Variants in GNG7 observed in about 807,000 individuals in gnomAD.
GNG7 encodes G protein subunit gamma 7.
GNG7 carries 1 observed loss-of-function variant against 4.0 expected under a neutral mutation model. That is an observed-to-expected ratio of 0.25 (90% CI 0.09 to 1.18). The LOEUF (loss-of-function observed/expected upper bound fraction) is 1.18, where lower values mean the gene tolerates loss of function less well. GNG7 is among the 50% of genes most tolerant of loss of function. GNG7 has a pLI of 0.50. For missense variants in GNG7, 86 were observed against 91.9 expected (o/e 0.94, Z 0.26); for synonymous variants, 34 against 36.9 (o/e 0.92, Z 0.29).
Position 2,596,651 on chromosome 19 carries a change from A to C in GNG7, c.-77-41463T>G, listed in dbSNP as rs776918531. Among the ~76,000 whole-genome samples, 20 of 147,318 alleles carry C rather than the reference A, an allele frequency of 1.4e-4. 1 individual carries two copies. The highest frequency in any genetic ancestry group is 2.2e-4 in the Non-Finnish European group (15 of 66,828). On this transcript the variant is annotated intron_variant, in intron 2 of 4. Transcript: ENST00000382159. Reference sequence around the variant, plus strand: ...GCCACTGCACTCCAGCCTGGGTGACAAAGTGAGACCCTGTCCCCCCCCCAA... The same window carrying C: ...GCCACTGCACTCCAGCCTGGGTGACCAAGTGAGACCCTGTCCCCCCCCCAA...
rs1981668049 is a variant in GNG7 at position 2,614,584 on chromosome 19, T to A, written c.-78+31640A>T. Among the ~76,000 whole-genome samples the A allele has an allele frequency of 6.6e-6, 1 of 152,128 alleles. No homozygotes were observed. Among genetic ancestry groups the A allele is most frequent in the South Asian group, 2.1e-4 (1 of 4,832 alleles). ...CTGGCATCTCTCACTGAGTGTGACA[T>A]CCTCAAGGGGCATCCAGGCTGCACG... is the stretch of plus-strand genomic sequence containing the variant. On this transcript the variant is annotated intron_variant, in intron 2 of 4. Transcript: ENST00000382159. The surrounding 1 kb of genome is among the most constrained non-coding windows in gnomAD (Gnocchi z 6.0).
At chr19:2,573,895 A>G (rs1980227514) in intron 2 of GNG7, among the ~76,000 whole-genome samples, 1 of 152,192 alleles carries the variant, frequency 6.6e-6, no homozygotes, top group Non-Finnish European at 1.5e-5. Context: ...CCGTGGTCAT[A>G]TGCGAACGGG....
intron 3 of GNG7, among the ~76,000 whole-genome samples, chr19:2,539,308 CT>C (rs869058899): frequency 1.7e-3 from 206 of 117,914 alleles, no homozygotes; most frequent in Middle Eastern, 4.1e-3. Flanking sequence ...TATATACCAA[CT>C]TTTTTTTTTT....
At chr19:2,592,341 A>G (rs1381681750) in intron 2 of GNG7, among the ~76,000 whole-genome samples, 2 of 152,044 alleles carry the variant, frequency 1.3e-5, no homozygotes, top group African/African-American at 2.4e-5. Context: ...ATTAAAAAAA[A>G]ATTGCTCCTT....
At chr19:2,586,073 C>A (rs560658508) in intron 2 of GNG7, among the ~76,000 whole-genome samples, 6 of 152,296 alleles carry the variant, frequency 3.9e-5, no homozygotes, top group Non-Finnish European at 8.8e-5. Context: ...TTTTCAGCAA[C>A]AAGCCAGTGT....
chr19:2,605,017 T>C (rs1981335021), intron 2 of GNG7, among the ~76,000 whole-genome samples: 1 of 152,180 alleles, frequency 6.6e-6, no homozygotes, highest in South Asian at 2.1e-4. Context: ...TCTATGGCTC[T>C]GGAGGTCAGA....
rs1473299936 is a variant in GNG7, at chr19:2,611,007, G to A, written c.-78+35217C>T. On this transcript the variant is annotated intron_variant, in intron 2 of 4. Coordinates refer to ENST00000382159, the MANE Select transcript of GNG7 (RefSeq NM_052847.3). This position sits in a 1 kb window ranked among gnomAD's most constrained non-coding sequence, Gnocchi z 6.0. ...GAACGGGCTCACGTGCCAGGCTCGG[G>A]GGGGGGGAAGCGTCCTCAACATTCT... The A allele has an allele frequency of 3.3e-4, 35 of 106,294 alleles. No individual in the cohort carries two copies. Among genetic ancestry groups the A allele is most frequent in the Admixed American group, 8.6e-5 (1 of 11,586 alleles). 6.6% of individuals were successfully genotyped at this position (106,294 alleles called of 1,614,324 possible).
intron 3 of GNG7, among the ~76,000 whole-genome samples, chr19:2,549,596 G>A (rs1240366978): frequency 6.6e-6 from 1 of 152,070 alleles, no homozygotes; most frequent in Non-Finnish European, 1.5e-5. Flanking sequence ...CCGGGGCTGT[G>A]TTTTCATCTG....
chr19:2,660,402 G>A (rs948889098), intron 1 of GNG7, among the ~76,000 whole-genome samples: 1 of 152,156 alleles, frequency 6.6e-6, no homozygotes, highest in African/African-American at 2.4e-5. Flanking sequence ...AAACCACAGG[G>A]AAGGGAGAAA....
At chr19:2,675,528 C>A (rs1983572216) in intron 1 of GNG7, among the ~76,000 whole-genome samples, 1 of 152,156 alleles carries the variant, frequency 6.6e-6, no homozygotes, top group South Asian at 2.1e-4. Context: ...TAGAGAATAT[C>A]AGATGTCGCG....
chr19:2,599,385 G>T (rs1248031996), intron 2 of GNG7, among the ~76,000 whole-genome samples: 2 of 152,094 alleles, frequency 1.3e-5, no homozygotes, highest in African/African-American at 4.8e-5. Flanking sequence ...AAACCCAGCT[G>T]GTGGGGAAGA....
At chr19:2,566,020 T>C (rs1388701338) in intron 2 of GNG7, among the ~76,000 whole-genome samples, 5 of 151,848 alleles carry the variant, frequency 3.3e-5, no homozygotes, top group African/African-American at 1.2e-4. Flanking sequence ...TAGTCAGGCG[T>C]GGTGGTGGGC....
intron 2 of GNG7, among the ~76,000 whole-genome samples, chr19:2,598,808 A>G (rs961442172): frequency 6.6e-6 from 1 of 152,014 alleles, no homozygotes; most frequent in African/African-American, 2.4e-5. Flanking sequence ...CTAAGGAGCC[A>G]CTAGGAAAAG....
At chr19:2,533,562 G>C (rs1043035672) in intron 3 of GNG7, among the ~76,000 whole-genome samples, 2 of 152,088 alleles carry the variant, frequency 1.3e-5, no homozygotes, top group African/African-American at 4.8e-5. Flanking sequence ...ATTTGAATTG[G>C]ACTTTGATAA....
chr19:2,535,587 G>T (rs1397738893), intron 3 of GNG7, among the ~76,000 whole-genome samples: 5 of 152,094 alleles, frequency 3.3e-5, no homozygotes, highest in African/African-American at 1.2e-4. Context: ...TGAAGCGGGG[G>T]CTATGCCTGT....
chr19:2,553,665 G>C (rs11879694), intron 3 of GNG7, among the ~76,000 whole-genome samples: 1 of 129,198 alleles, frequency 7.7e-6, no homozygotes, highest in Non-Finnish European at 1.6e-5. Context: ...ACATGCACAC[G>C]TTACATGTAA....
intron 2 of GNG7, among the ~76,000 whole-genome samples, chr19:2,562,711 G>A (rs1012022271): frequency 5.3e-5 from 8 of 152,072 alleles, no homozygotes; most frequent in Admixed American, 6.6e-5. Flanking sequence ...CGCTCCCAGC[G>A]TACACTGGAA....
intron 1 of GNG7, among the ~76,000 whole-genome samples, chr19:2,698,907 G>A (rs959560567): frequency 6.6e-6 from 1 of 152,128 alleles, no homozygotes; most frequent in African/African-American, 2.4e-5. Flanking sequence ...CATGAAACAA[G>A]AACAGAAAAT....
intron 2 of GNG7, among the ~76,000 whole-genome samples, chr19:2,558,250 G>GTT (rs57101652): frequency 0.46 from 67,457 of 145,628 alleles, 15,717 homozygotes; most frequent in Middle Eastern, 0.51. Flanking sequence ...TTTTGTTTTT[G>GTT]TTTTTTTTTT....
Sources: allele counts gnomAD v4.1 joint callset (sites outside exome capture counted in the v4.1 genomes callset), GRCh38; gene constraint gnomAD v4.1.1; non-coding constraint Gnocchi (gnomAD v3.1); transcripts MANE v1.5; gene names NCBI Gene and HGNC (gene_info 2026-07-23, HGNC 2026-07-21).